NOSIP: variants seen among roughly 807,000 people sequenced by gnomAD.
NOSIP encodes nitric oxide synthase interacting protein.
In NOSIP, 25 loss-of-function variants were observed where a neutral mutation model predicts 36.4. The ratio of observed to expected loss-of-function variants is 0.69; its 90% CI spans 0.50 to 0.96. The LOEUF (loss-of-function observed/expected upper bound fraction) is 0.96. Ranked by LOEUF, NOSIP falls within the 40% of genes least tolerant of loss-of-function variation. The probability of loss-of-function intolerance (pLI) is 0.00; values close to 1 mark genes in which losing one functional copy is unlikely to be tolerated. For synonymous variants in NOSIP, 187 were observed against 179.2 expected (o/e 1.04, Z -0.35); for missense variants, 370 against 429.0 (o/e 0.86, Z 1.21).
In NOSIP at chr19:49,559,510, C is replaced by CAA. The variant is rs112494970; in HGVS notation, c.176+422_176+423dup. 8.8e-3 allele frequency: 1,469 copies of CAA among 166,626 alleles called. 23 individuals carry two copies. Among genetic ancestry groups the CAA allele is most frequent in the African/African-American group, 0.032 (1,217 of 38,384 alleles). The allele number at this position is 166,626 out of a possible 1,614,324, so 10.3% of individuals were successfully genotyped here. A position where few individuals can be genotyped will look rare whatever the true frequency, so the allele number is the denominator to read the frequency against. On this transcript the variant is annotated intron_variant, in intron 3 of 8. Transcript: ENST00000596358. ...GGGCAACAAAGTGAAGACTCTGTCT[C>CAA]AAAAAAAAAAAAGAAACCTGAAGGT... is the stretch of plus-strand genomic sequence containing the variant.
intron 1 of NOSIP, among the ~76,000 whole-genome samples, chr19:49,563,182 GT>G (rs766907529): frequency 1.4e-4 from 20 of 144,664 alleles, no homozygotes; most frequent in Admixed American, 1.4e-4. Flanking sequence ...TTTTCTTTTT[GT>G]TTTTTTTTTT....
Position 49,555,833 on chromosome 19 carries a change from T to C in NOSIP, c.835-11A>G, listed in dbSNP as rs183715696. ...GAAGCCGGTACCGCCCTGGGGGAGGTAGAGAGAAGGACGAGGTAGAGGCCG... is the reference window on the plus strand; with the variant it reads ...GAAGCCGGTACCGCCCTGGGGGAGGCAGAGAGAAGGACGAGGTAGAGGCCG... On this transcript the variant is annotated splice_polypyrimidine_tract_variant and intron_variant, in intron 8 of 8. Coordinates refer to ENST00000596358, the MANE Select transcript of NOSIP (RefSeq NM_001270960.2). The C allele has an allele frequency of 7.3e-4, 1,178 of 1,609,398 alleles. 7 individuals carry two copies. The African/African-American group carries it at 0.014, about 19-fold the overall frequency.
chr19:49,567,268 A>G (rs893811164), intron 1 of NOSIP, among the ~76,000 whole-genome samples: 7 of 150,730 alleles, frequency 4.6e-5, no homozygotes, highest in Admixed American at 4.0e-4. Context: ...GACTACAGGC[A>G]CCCGCCACCA....
At chr19:49,569,014 G>A (rs2080449360) in intron 1 of NOSIP, among the ~76,000 whole-genome samples, 1 of 151,310 alleles carries the variant, frequency 6.6e-6, no homozygotes, top group Non-Finnish European at 1.5e-5. Context: ...CGTTGGTCAC[G>A]ATGGTCTCGA....
intron 1 of NOSIP, among the ~76,000 whole-genome samples, chr19:49,568,748 C>T (rs953302544): frequency 1.3e-5 from 2 of 148,926 alleles, no homozygotes; most frequent in African/African-American, 5.0e-5. Context: ...AGTTCAAGAC[C>T]AGCCTGGGCA....
rs950093181 is a variant in NOSIP at position 49,560,554 on chromosome 19, G to C, written c.70+68C>G. 3.9e-5 allele frequency: 50 copies of C among 1,282,370 alleles called. No homozygotes were observed. Among genetic ancestry groups the C allele is most frequent in the Non-Finnish European group, 4.8e-5 (43 of 902,060 alleles). The allele number at this position is 1,282,370 out of a possible 1,614,324, so 79.4% of individuals were successfully genotyped here. A position where few individuals can be genotyped will look rare whatever the true frequency, so the allele number is the denominator to read the frequency against. On this transcript the variant is annotated intron_variant, in intron 2 of 8. Transcript: ENST00000596358. This position sits in a 1 kb window ranked among gnomAD's most constrained non-coding sequence, Gnocchi z 4.6. ...ACAGGGACAGAGGAAGCAAAACCTG[G>C]GGCACGAGGGGAGAGGGTGACTCCA... is the stretch of plus-strand genomic sequence containing the variant.
At chr19:49,572,742 G>A (rs962419265) in intron 1 of NOSIP, among the ~76,000 whole-genome samples, 1 of 151,918 alleles carries the variant, frequency 6.6e-6, no homozygotes, top group African/African-American at 2.4e-5. Context: ...GGGAGCCCAA[G>A]GCGGGCAGAT....
Position 49,556,942 on chromosome 19 carries a change from T to C in NOSIP, c.470A>G (p.Lys157Arg). The change falls in exon 6 of 9, where the codon AAA becomes AGA. Residue 157 changes from lysine to arginine, a missense_variant. By Grantham distance (26) the Lys-to-Arg change is conservative. Coordinates refer to ENST00000596358, the MANE Select transcript of NOSIP (RefSeq NM_001270960.2). ...CGGGATCCAGAAGCTGGGCAGCACTTTGTCCTTGTCCTTACTTGGAGGACC... is the reference window on the plus strand; with the variant it reads ...CGGGATCCAGAAGCTGGGCAGCACTCTGTCCTTGTCCTTACTTGGAGGACC... ...SVGPPSKDKD[K>R]VLPSFWIPSL... is the part of the protein sequence containing the mutation. 2 of 1,612,946 alleles carry C rather than the reference T, an allele frequency of 1.2e-6. No homozygotes were observed. The highest frequency in any genetic ancestry group is 8.5e-7 in the Non-Finnish European group (1 of 1,179,478).
intron 1 of NOSIP, among the ~76,000 whole-genome samples, chr19:49,565,272 C>CAA (rs559157704): frequency 5.8e-5 from 8 of 138,978 alleles, no homozygotes; most frequent in East Asian, 2.1e-4. Context: ...GACCCTGTCT[C>CAA]AAAAAAAAAA....
chr19:49,577,732 T>A (rs966190746), intron 1 of NOSIP, among the ~76,000 whole-genome samples: 2 of 124,418 alleles, frequency 1.6e-5, no homozygotes, highest in African/African-American at 6.4e-5. Context: ...ACCACTGCAC[T>A]CCAGCCTGGG....
chr19:49,572,706 G>A (rs1486600287), intron 1 of NOSIP, among the ~76,000 whole-genome samples: 2 of 151,532 alleles, frequency 1.3e-5, no homozygotes, highest in Non-Finnish European at 2.9e-5. Flanking sequence ...GGGAGCAGTG[G>A]CTCACGCCTG....
rs1199807755 is a variant in NOSIP, at chr19:49,557,099, T to C, written c.409A>G (p.Thr137Ala). The change falls in exon 5 of 9, where the codon ACC becomes GCC. Residue 137 changes from threonine to alanine, a missense_variant. This residue lies in a region of NOSIP where 315 missense variants were observed against 331.9 expected (regional missense o/e 0.95). Transcript: ENST00000596358. Reference sequence around the variant, plus strand: ...GCCCAACCTGAGTCACCTGGGCTGGTGCCCGAGAGGGCCTTGGCTGTGAAA... The same window carrying C: ...GCCCAACCTGAGTCACCTGGGCTGGCGCCCGAGAGGGCCTTGGCTGTGAAA... ...NPFTAKALSGTSPDDVQPGPS... is the reference protein window; with the variant it reads ...NPFTAKALSGASPDDVQPGPS... The C allele has an allele frequency of 1.2e-6, 2 of 1,611,548 alleles. No individual in the cohort carries two copies. Among genetic ancestry groups the C allele is most frequent in the South Asian group, 2.2e-5 (2 of 90,624 alleles).
chr19:49,560,448 C>T lies in NOSIP; in HGVS notation c.70+174G>A, dbSNP rs1398723654. 6 of 625,912 alleles carry T rather than the reference C, an allele frequency of 9.6e-6. No homozygotes were observed. The highest frequency in any genetic ancestry group is 8.2e-5 in the East Asian group (3 of 36,388). 38.8% of individuals were successfully genotyped at this position (625,912 alleles called of 1,614,324 possible). A position where few individuals can be genotyped will look rare whatever the true frequency, so the allele number is the denominator to read the frequency against. On this transcript the variant is annotated intron_variant, in intron 2 of 8. Coordinates refer to ENST00000596358, the MANE Select transcript of NOSIP (RefSeq NM_001270960.2). This position sits in a 1 kb window ranked among gnomAD's most constrained non-coding sequence, Gnocchi z 4.6. ...GCGCAGAAGGCAGAGAACACAGTGC[C>T]GGGCCACATGGGGTCATGGGATCAC...
chr19:49,577,696 T>C (rs1452989073), intron 1 of NOSIP, among the ~76,000 whole-genome samples: 6 of 148,458 alleles, frequency 4.0e-5, no homozygotes, highest in Non-Finnish European at 7.4e-5. Flanking sequence ...ACCCAGGAGG[T>C]TGAGGCTGCA....
intron 1 of NOSIP, among the ~76,000 whole-genome samples, chr19:49,577,497 G>A (rs2080568807): frequency 6.6e-6 from 1 of 151,894 alleles, no homozygotes; most frequent in East Asian, 1.9e-4. Context: ...CCGAGATCAC[G>A]CCACTGCACT....
chr19:49,563,032 G>A (rs576496446), intron 1 of NOSIP, among the ~76,000 whole-genome samples: 1 of 152,258 alleles, frequency 6.6e-6, no homozygotes, highest in Admixed American at 6.5e-5. Context: ...TCTAAATACT[G>A]TAATAATTTG....
intron 1 of NOSIP, among the ~76,000 whole-genome samples, chr19:49,577,996 C>A (rs1383657896): frequency 6.6e-6 from 1 of 151,940 alleles, no homozygotes; most frequent in Non-Finnish European, 1.5e-5. Context: ...ACCAGGGTTT[C>A]TTTTTGGGTG....
intron 1 of NOSIP, among the ~76,000 whole-genome samples, chr19:49,574,973 C>G (rs930612937): frequency 1.3e-5 from 2 of 151,856 alleles, no homozygotes; most frequent in African/African-American, 4.8e-5. Flanking sequence ...TGCCATTCTC[C>G]TGCCTCAGCC....
At chr19:49,564,453 C>CAAAAAAAAAAAAA (rs1011453088) in intron 1 of NOSIP, among the ~76,000 whole-genome samples, 16 of 42,536 alleles carry the variant, frequency 3.8e-4, no homozygotes, top group Non-Finnish European at 5.9e-4. Flanking sequence ...GACTCCATCT[C>CAAAAAAAAAAAAA]AAAAAAAAAA....
Sources: allele counts gnomAD v4.1 joint callset (sites outside exome capture counted in the v4.1 genomes callset), GRCh38; gene constraint gnomAD v4.1.1; regional missense constraint gnomAD v4.1.1; non-coding constraint Gnocchi (gnomAD v3.1); transcripts MANE v1.5; gene names NCBI Gene and HGNC (gene_info 2026-07-23, HGNC 2026-07-21).